PRKAR1A: variants seen among roughly 807,000 people sequenced by gnomAD.
PRKAR1A encodes protein kinase cAMP-dependent type I regulatory subunit alpha.
Under a neutral mutation model 52.0 loss-of-function variants are expected in PRKAR1A, and 3 were observed. The ratio of observed to expected loss-of-function variants is 0.06; its 90% confidence interval spans 0.03 to 0.15. The LOEUF is 0.15. PRKAR1A is among the 10% of genes least tolerant of loss of function. PRKAR1A has a pLI of 1.00. For synonymous variants in PRKAR1A, 188 were observed against 168.4 expected, an observed-to-expected ratio of 1.12 and a Z score of -0.90; for missense variants, 240 against 477.4, an observed-to-expected ratio of 0.50 and a Z score of 4.63.
downstream of PRKAR1A, chr17:68,536,894 T>G (rs1398813686): frequency 4.4e-6 from 2 of 454,204 alleles, no homozygotes; most frequent in South Asian, 3.1e-5. Context: ...ATAATATCTC[T>G]AAGAAGTTAC....
chr17:68,466,358 C>T, the PRKAR1A span, among the ~76,000 whole-genome samples: 1 of 151,518 alleles, frequency 6.6e-6, no homozygotes, highest in East Asian at 1.9e-4. Context: ...TTCTTCCCAC[C>T]AGTACACACC....
chr17:68,426,759 C>G, the PRKAR1A span, among the ~76,000 whole-genome samples: 1 of 152,176 alleles, frequency 6.6e-6, no homozygotes, highest in African/African-American at 2.4e-5. Flanking sequence ...GGTCTCAAAC[C>G]CCTGGCCTCC....
intron 8 of PRKAR1A, 51 bp downstream of exon 8, chr17:68,527,951 T>G (rs1157338655): frequency 6.8e-7 from 1 of 1,462,640 alleles, no homozygotes; most frequent in African/African-American, 1.4e-5. Flanking sequence ...ACCCCTGAAT[T>G]AGAATTGGAT....
At chr17:68,433,777 T>TTTTGTTTTTTTG in the PRKAR1A span, among the ~76,000 whole-genome samples, 1 of 63,616 alleles carries the variant, frequency 1.6e-5, no homozygotes, top group African/African-American at 4.9e-5. Context: ...TTTTTTTTTT[T>TTTTGTTTTTTTG]TTTTTTTTTT....
chr17:68,533,915 G>C (rs771009729), downstream of PRKAR1A, among the ~76,000 whole-genome samples: 3 of 152,146 alleles, frequency 2.0e-5, no homozygotes, highest in Admixed American at 6.5e-5. Flanking sequence ...TTTTAGTAGA[G>C]GTGGGGTTTT....
chr17:68,465,671 G>A, the PRKAR1A span, among the ~76,000 whole-genome samples: 3 of 125,400 alleles, frequency 2.4e-5, no homozygotes, highest in Non-Finnish European at 4.8e-5. Flanking sequence ...GTTTCACCAT[G>A]TTGGCCAGGC....
the PRKAR1A span, among the ~76,000 whole-genome samples, chr17:68,456,481 C>A: frequency 6.9e-6 from 1 of 145,282 alleles, no homozygotes; most frequent in Non-Finnish European, 1.5e-5. Flanking sequence ...GTCCCCAGGG[C>A]TCGCTTCCAT....
chr17:68,492,483 G>C, the PRKAR1A span, among the ~76,000 whole-genome samples: 1 of 152,244 alleles, frequency 6.6e-6, no homozygotes, highest in South Asian at 2.1e-4. Flanking sequence ...GAATTGTTTT[G>C]GGCGTTGGTT....
At chr17:68,421,957 C>A in the PRKAR1A span, 26 of 1,013,350 alleles carry the variant, frequency 2.6e-5, no homozygotes, top group Non-Finnish European at 3.8e-5. Flanking sequence ...TCTGAACTCG[C>A]TCATGGCCAC....
chr17:68,513,658 T>A (rs1053178952), intron 1 of PRKAR1A, among the ~76,000 whole-genome samples: 1 of 152,192 alleles, frequency 6.6e-6, no homozygotes, highest in Non-Finnish European at 1.5e-5. Context: ...TCCGGGTAAC[T>A]CGATTAAAAA....
the PRKAR1A span, chr17:68,430,083 T>C: frequency 6.2e-7 from 1 of 1,614,166 alleles, no homozygotes; most frequent in South Asian, 1.1e-5. Flanking sequence ...GTCTGACACC[T>C]GGGTAGGGAG....
chr17:68,423,786 AG>A, the PRKAR1A span, among the ~76,000 whole-genome samples: 2 of 152,212 alleles, frequency 1.3e-5, no homozygotes, highest in Non-Finnish European at 2.9e-5. This position sits in a 1 kb window ranked among gnomAD's most constrained non-coding sequence, Gnocchi z 4.4. Context: ...TATTTTATAC[AG>A]GTTCTTTGGC....
chr17:68,494,218 C>T, the PRKAR1A span, among the ~76,000 whole-genome samples: 2 of 152,168 alleles, frequency 1.3e-5, no homozygotes, highest in Non-Finnish European at 2.9e-5. Context: ...CCCCTTGAAT[C>T]TAGGCTGGCC....
chr17:68,532,880 C>A lies in PRKAR1A; in HGVS notation c.*2431C>A. On this transcript the variant is annotated 3_prime_UTR_variant, in exon 11 of 11. Transcript: ENST00000589228. ...AAAGGGGGAAAGTGAATTATGGGAT[C>A]GGTGTTTTGAAAGAGCAATGTTTAT... 1.9e-6 allele frequency: 2 copies of A among 1,066,148 alleles called. No individual in the cohort carries two copies. Among genetic ancestry groups the A allele is most frequent in the Non-Finnish European group, 2.3e-6 (2 of 879,742 alleles). 66.0% of individuals were successfully genotyped at this position (1,066,148 alleles called of 1,614,324 possible).
chr17:68,469,046 C>T, the PRKAR1A span, among the ~76,000 whole-genome samples: 3 of 152,148 alleles, frequency 2.0e-5, no homozygotes, highest in South Asian at 2.1e-4. Flanking sequence ...CACCCACTTC[C>T]GCTGGCATTC....
chr17:68,543,566 A>G, intron 11 of PRKAR1A: 1 of 1,449,106 alleles, frequency 6.9e-7, no homozygotes, highest in Non-Finnish European at 9.7e-7. Flanking sequence ...GGGTCTGTCT[A>G]GCCACCCCTC....
chr17:68,537,674 T>TC, downstream of PRKAR1A: 1 of 1,613,842 alleles, frequency 6.2e-7, no homozygotes, highest in Non-Finnish European at 8.5e-7. The surrounding 1 kb of genome is among the most constrained non-coding windows in gnomAD (Gnocchi z 4.2). Context: ...GATTCTCGCA[T>TC]CACATCGCTG....
the PRKAR1A span, among the ~76,000 whole-genome samples, chr17:68,506,218 A>G: frequency 4.1e-5 from 6 of 147,116 alleles, no homozygotes; most frequent in Non-Finnish European, 9.0e-5. Flanking sequence ...GCCTCACACC[A>G]TCTTCCATCT....
the PRKAR1A span, chr17:68,424,423 A>G: frequency 1.9e-6 from 1 of 534,560 alleles, no homozygotes; most frequent in African/African-American, 1.9e-5. Flanking sequence ...GGGAGAAAGA[A>G]GCCAGACCTG....
Sources: gnomAD v4.1 joint callset for allele counts (sites outside exome capture counted in the v4.1 genomes callset) on GRCh38, gnomAD v4.1.1 for gene constraint, Gnocchi (gnomAD v3.1) non-coding constraint, MANE v1.5 for transcripts, NCBI Gene and HGNC (gene_info 2026-07-23, HGNC 2026-07-21) for gene names.